The following RAD51B variants were observed in gnomAD, a reference collection of about 807,000 sequenced individuals.
The protein encoded by RAD51B is RAD51 paralog B.
Under a neutral mutation model 42.2 loss-of-function variants are expected in RAD51B, and 38 were observed. That is an observed-to-expected ratio of 0.90 (90% CI 0.70 to 1.18). The LOEUF (loss-of-function observed/expected upper bound fraction) is 1.18. RAD51B is among the 50% of genes most tolerant of loss of function. RAD51B has a pLI of 0.00. For synonymous variants in RAD51B, 154 were observed against 145.2 expected (o/e 1.06, Z -0.43); for missense variants, 373 against 400.7 (o/e 0.93, Z 0.59).
intron 7 of RAD51B, among the ~76,000 whole-genome samples, chr14:68,016,204 G>A (rs941687593): frequency 6.6e-6 from 1 of 152,040 alleles, no homozygotes; most frequent in Non-Finnish European, 1.5e-5. Flanking sequence ...AGCAAATACG[G>A]GTAGAAAAAC....
intron 10 of RAD51B, among the ~76,000 whole-genome samples, chr14:68,539,457 G>A (rs887826811): frequency 1.3e-5 from 2 of 152,186 alleles, no homozygotes; most frequent in African/African-American, 4.8e-5. Flanking sequence ...AGCTTTGCAC[G>A]TTAACCTCCA....
intron 8 of RAD51B, among the ~76,000 whole-genome samples, chr14:68,398,644 T>C (rs553590819): frequency 6.6e-6 from 1 of 152,226 alleles, no homozygotes; most frequent in African/African-American, 2.4e-5. Flanking sequence ...TTATGGCAGT[T>C]CTAAAGGGTA....
chr14:68,562,117 C>T, intron 10 of RAD51B: 1 of 985,270 alleles, frequency 1.0e-6, no homozygotes, highest in East Asian at 1.1e-4. Context: ...CTTTTTCTCC[C>T]TGTGAAAGCC....
intron 7 of RAD51B, among the ~76,000 whole-genome samples, chr14:67,985,701 A>G (rs1841862224): frequency 6.6e-6 from 1 of 151,890 alleles, no homozygotes; most frequent in Admixed American, 6.6e-5. Flanking sequence ...CTTGCGTTCC[A>G]GACCAGCCTG....
chr14:68,075,620 A>G (rs765590442), intron 7 of RAD51B, among the ~76,000 whole-genome samples: 50 of 152,084 alleles, frequency 3.3e-4, no homozygotes, highest in Non-Finnish European at 6.5e-4. Flanking sequence ...GGGCAGTACC[A>G]CTGCAGTGGC....
intron 7 of RAD51B, among the ~76,000 whole-genome samples, chr14:68,179,582 G>A (rs187044400): frequency 6.6e-6 from 1 of 152,202 alleles, no homozygotes; most frequent in East Asian, 1.9e-4. Flanking sequence ...GTTTCTTTCT[G>A]ATCTTAGTCT....
In RAD51B at chr14:68,092,914, C is replaced by T. The variant is rs1486439712; in HGVS notation, c.757-198970C>T. Among the ~76,000 whole-genome samples, 16 of 150,404 alleles carry T rather than the reference C, an allele frequency of 1.1e-4. 1 individual carries two copies. In the South Asian group the frequency reaches 1.9e-3, roughly 18 times the overall value. On this transcript the variant is annotated intron_variant, in intron 7 of 10. Coordinates refer to ENST00000471583, the MANE Select transcript of RAD51B (RefSeq NM_133510.4). ...CTTGAGAATTTTTAGCATGAAGGGT[C>T]GTTGAATTTTGTCAAAGGCTTTTTC...
At chr14:68,376,707 G>A (rs749250035) in intron 8 of RAD51B, among the ~76,000 whole-genome samples, 16 of 152,156 alleles carry the variant, frequency 1.1e-4, no homozygotes, top group Non-Finnish European at 2.4e-4. Context: ...AGAGGAACAG[G>A]CCCAGGCAGT....
chr14:68,613,458 CTT>C (rs143102666), downstream of RAD51B, among the ~76,000 whole-genome samples: 6 of 139,808 alleles, frequency 4.3e-5, no homozygotes, highest in Non-Finnish European at 7.7e-5. Context: ...TTCTTTTTTT[CTT>C]TTTTTTTTTT....
intron 7 of RAD51B, among the ~76,000 whole-genome samples, chr14:68,233,373 G>T (rs923510552): frequency 6.6e-6 from 1 of 152,134 alleles, no homozygotes; most frequent in African/African-American, 2.4e-5. Context: ...ACATTATTTT[G>T]TCTGGCTAAT....
chr14:68,395,816 G>A (rs2083900737), intron 8 of RAD51B, among the ~76,000 whole-genome samples: 1 of 152,196 alleles, frequency 6.6e-6, no homozygotes, highest in Non-Finnish European at 1.5e-5. Context: ...CTAAGTGTGT[G>A]ACCTTGGGTA....
intron 7 of RAD51B, among the ~76,000 whole-genome samples, chr14:68,190,454 T>C (rs2767379): frequency 0.8 from 122,464 of 152,146 alleles, 49,713 homozygotes; most frequent in East Asian, 0.98. Context: ...AAAACAGATT[T>C]AAAAAACATG....
At chr14:68,482,564 AC>A (rs1432879905), downstream of RAD51B, among the ~76,000 whole-genome samples, 4 of 152,092 alleles carry the variant, frequency 2.6e-5, no homozygotes, top group African/African-American at 9.7e-5. Flanking sequence ...TGGTCTTGGA[AC>A]CATTTGGAAG....
chr14:68,674,831 G>T (rs1893271201), intron 11 of RAD51B, among the ~76,000 whole-genome samples: 1 of 151,652 alleles, frequency 6.6e-6, no homozygotes, highest in Non-Finnish European at 1.5e-5. Flanking sequence ...TGTAAGGCAT[G>T]CCATGCTATG....
chr14:67,902,382 C>G (rs2043641224), intron 7 of RAD51B, among the ~76,000 whole-genome samples: 1 of 151,960 alleles, frequency 6.6e-6, no homozygotes, highest in Non-Finnish European at 1.5e-5. Flanking sequence ...GTTGATAGTT[C>G]CATAACCAGC....
chr14:67,948,931 C>CAAAAAAAAAAAAA lies in RAD51B; in HGVS notation c.756+61742_756+61754dup, dbSNP rs59465805. On this transcript the variant is annotated intron_variant, in intron 7 of 10. Transcript: ENST00000471583. The stretch of plus-strand genomic sequence containing the variant: ...TGGGTGACAGAGTGAGACTCTGTCT[C>CAAAAAAAAAAAAA]AAAAAAAAAAAAAAAAAAAAAAAAA... Among the ~76,000 whole-genome samples the CAAAAAAAAAAAAA allele has an allele frequency of 1.1e-3, 18 of 17,058 alleles. 2 individuals carry two copies. Among genetic ancestry groups the CAAAAAAAAAAAAA allele is most frequent in the African/African-American group, 3.3e-3 (17 of 5,212 alleles). 11.2% of individuals were successfully genotyped at this position (17,058 alleles called of 152,430 possible). A position where few individuals can be genotyped will look rare whatever the true frequency, so the allele number is the denominator to read the frequency against.
At chr14:67,957,289 A>G (rs1881033727) in intron 7 of RAD51B, among the ~76,000 whole-genome samples, 2 of 152,250 alleles carry the variant, frequency 1.3e-5, no homozygotes, top group Admixed American at 1.3e-4. Flanking sequence ...AACATGGCAC[A>G]TTTGAGGGAC....
intron 9 of RAD51B, among the ~76,000 whole-genome samples, chr14:68,429,477 A>G (rs1363315189): frequency 2.0e-5 from 3 of 151,934 alleles, no homozygotes; most frequent in Non-Finnish European, 1.5e-5. Flanking sequence ...TCTCATTGTG[A>G]TTTTGATTTG....
At chr14:68,188,831 C>T (rs886975289) in intron 7 of RAD51B, among the ~76,000 whole-genome samples, 2 of 152,112 alleles carry the variant, frequency 1.3e-5, no homozygotes, top group Non-Finnish European at 2.9e-5. Context: ...CCTCTCTAGC[C>T]ATGTATGTGC....
Sources: gnomAD v4.1 joint callset for allele counts (sites outside exome capture counted in the v4.1 genomes callset) on GRCh38, gnomAD v4.1.1 for gene constraint, MANE v1.5 for transcripts, NCBI Gene and HGNC (gene_info 2026-07-23, HGNC 2026-07-21) for gene names.